SLC35F1: variants seen among roughly 807,000 people sequenced by gnomAD.
SLC35F1 encodes the protein chromosome 6 open reading frame 169.
SLC35F1 carries 14 observed loss-of-function variants against 48.7 expected under a neutral mutation model. The ratio of observed to expected loss-of-function variants is 0.29; its 90% CI spans 0.19 to 0.45. The LOEUF (loss-of-function observed/expected upper bound fraction) is 0.45. SLC35F1 is among the 20% of genes least tolerant of loss of function. The pLI, the probability that SLC35F1 is intolerant of heterozygous loss-of-function variation, is 1.00. For missense variants in SLC35F1, 404 were observed against 500.0 expected (o/e 0.81, Z 1.83); for synonymous variants, 190 against 202.2 (o/e 0.94, Z 0.51).
At chr6:118,158,757 A>C (rs1388965837) in intron 2 of SLC35F1, among the ~76,000 whole-genome samples, 1 of 152,222 alleles carries the variant, frequency 6.6e-6, no homozygotes, top group East Asian at 1.9e-4. Context: ...TGTAAGTTCC[A>C]AAATGAATTG....
At chr6:118,270,023 A>G (rs1248371895) in intron 4 of SLC35F1, among the ~76,000 whole-genome samples, 2 of 152,156 alleles carry the variant, frequency 1.3e-5, no homozygotes, top group Non-Finnish European at 2.9e-5. Flanking sequence ...GCAAGACTCT[A>G]CCTCAAGAAA....
intron 2 of SLC35F1, among the ~76,000 whole-genome samples, chr6:118,225,081 G>A (rs891921422): frequency 5.3e-5 from 8 of 152,278 alleles, no homozygotes; most frequent in African/African-American, 1.9e-4. Context: ...AATTAACACT[G>A]TTAAAATGAC....
intron 7 of SLC35F1, among the ~76,000 whole-genome samples, chr6:118,292,621 G>A (rs1776138164): frequency 6.6e-6 from 1 of 151,834 alleles, no homozygotes; most frequent in African/African-American, 2.4e-5. Flanking sequence ...TTTCACAGAT[G>A]TTGCTTATCC....
At chr6:118,276,345 G>A (rs1399701023) in intron 5 of SLC35F1, among the ~76,000 whole-genome samples, 1 of 152,162 alleles carries the variant, frequency 6.6e-6, no homozygotes, top group African/African-American at 2.4e-5. Context: ...AAATTTTACT[G>A]AATCCCTTTC....
chr6:118,281,483 T>C (rs1775984341), intron 6 of SLC35F1, among the ~76,000 whole-genome samples: 1 of 151,972 alleles, frequency 6.6e-6, no homozygotes, highest in South Asian at 2.1e-4. Flanking sequence ...TGGATTCCAG[T>C]CAGTTTTGGC....
intron 1 of SLC35F1, among the ~76,000 whole-genome samples, chr6:118,027,051 G>A (rs904719387): frequency 5.3e-5 from 8 of 152,318 alleles, no homozygotes; most frequent in African/African-American, 1.9e-4. Context: ...ATAAATGGAT[G>A]ATAAACTATG....
At chr6:117,966,131 G>GCCCCCAC (rs1776561695) in intron 1 of SLC35F1, among the ~76,000 whole-genome samples, 1 of 101,102 alleles carries the variant, frequency 9.9e-6, no homozygotes, top group Non-Finnish European at 2.0e-5. Flanking sequence ...GCAGGCCACC[G>GCCCCCAC]CCCCCCCCCC....
intron 1 of SLC35F1, among the ~76,000 whole-genome samples, chr6:117,917,112 C>G (rs1020747670): frequency 6.6e-6 from 1 of 152,172 alleles, no homozygotes; most frequent in East Asian, 1.9e-4. Flanking sequence ...CTCTCTCTCT[C>G]TCTGATGACA....
intron 2 of SLC35F1, 112 bp downstream of exon 2, chr6:118,154,732 C>T: frequency 3.9e-6 from 4 of 1,013,872 alleles, no homozygotes; most frequent in Non-Finnish European, 5.6e-6. Context: ...CATTGAAAAC[C>T]CCAGATCTTA....
chr6:118,066,302 G>T (rs950750220), intron 1 of SLC35F1, among the ~76,000 whole-genome samples: 2 of 152,242 alleles, frequency 1.3e-5, no homozygotes, highest in East Asian at 3.9e-4. Context: ...TCAATAAAAT[G>T]TCTAAGATAA....
chr6:117,963,196 T>C (rs1776519649), intron 1 of SLC35F1, among the ~76,000 whole-genome samples: 1 of 152,160 alleles, frequency 6.6e-6, no homozygotes, highest in African/African-American at 2.4e-5. Context: ...AAGTACATCA[T>C]TGCTGATCTA....
intron 1 of SLC35F1, among the ~76,000 whole-genome samples, chr6:118,142,329 G>A (rs1450391395): frequency 6.6e-6 from 1 of 151,976 alleles, no homozygotes; most frequent in African/African-American, 2.4e-5. Flanking sequence ...ACATATATAT[G>A]GTAAAATAGT....
chr6:117,923,669 A>ACATATACATATG (rs1562238702), intron 1 of SLC35F1, among the ~76,000 whole-genome samples: 7 of 49,278 alleles, frequency 1.4e-4, no homozygotes, highest in African/African-American at 5.3e-4. Flanking sequence ...GTATATATAC[A>ACATATACATATG]TATATGTACA....
intron 1 of SLC35F1, among the ~76,000 whole-genome samples, chr6:118,094,708 C>A (rs193162080): frequency 6.6e-6 from 1 of 152,206 alleles, no homozygotes; most frequent in East Asian, 1.9e-4. Context: ...TGGCTCATGT[C>A]TGTAATCCCA....
chr6:118,312,455 ACATT>A (rs893146527), intron 7 of SLC35F1, among the ~76,000 whole-genome samples: 1 of 152,222 alleles, frequency 6.6e-6, no homozygotes, highest in African/African-American at 2.4e-5. Flanking sequence ...AGAATGAGGC[ACATT>A]CATTTTCATT....
chr6:118,157,564 A>G (rs1352853377), intron 2 of SLC35F1, among the ~76,000 whole-genome samples: 2 of 152,228 alleles, frequency 1.3e-5, no homozygotes, highest in African/African-American at 4.8e-5. Context: ...AGGGAAGCCA[A>G]CAGTGCAGCC....
chr6:118,082,972 T>A (rs1772934166), intron 1 of SLC35F1, among the ~76,000 whole-genome samples: 1 of 151,990 alleles, frequency 6.6e-6, no homozygotes, highest in Non-Finnish European at 1.5e-5. Context: ...CCAGGACCAC[T>A]GAGGGGAGAG....
rs117227997 is a variant in SLC35F1 at position 118,241,423 on chromosome 6, A to G, written c.477+5787A>G. ...AGGAAAATGTATATATATTGCTGCA[A>G]TTTCATGTGAATCTATAATCATTGT... is the stretch of plus-strand genomic sequence containing the variant. On this transcript the variant is annotated intron_variant, in intron 3 of 7. Transcript: ENST00000360388. 4.6e-3 allele frequency among the ~76,000 whole-genome samples: 700 copies of G among 152,268 alleles called. 4 individuals are homozygous for G. The highest frequency in any genetic ancestry group is 0.017 in the Middle Eastern group (5 of 294).
intron 2 of SLC35F1, among the ~76,000 whole-genome samples, chr6:118,176,148 C>T (rs904791335): frequency 3.3e-5 from 5 of 151,964 alleles, no homozygotes; most frequent in Non-Finnish European, 7.4e-5. Flanking sequence ...AGTTCTCTAC[C>T]CCATGGAATA....
Sources: allele counts gnomAD v4.1 joint callset (sites outside exome capture counted in the v4.1 genomes callset), GRCh38; gene constraint gnomAD v4.1.1; transcripts MANE v1.5; gene names NCBI Gene and HGNC (gene_info 2026-07-23, HGNC 2026-07-21).